The following MYO1B variants were observed in gnomAD, a reference collection of about 807,000 sequenced individuals.
The protein encoded by MYO1B is myosin IB, also known as unconventional myosin-Ib.
Under a neutral mutation model 159.7 loss-of-function variants are expected in MYO1B, and 72 were observed. That is an observed-to-expected ratio of 0.45 (90% confidence interval 0.37 to 0.55). The LOEUF (loss-of-function observed/expected upper bound fraction) is 0.55, where lower values mean the gene tolerates loss of function less well. MYO1B is among the 20% of genes least tolerant of loss of function. MYO1B has a pLI of 0.00. For missense variants in MYO1B, 1,062 were observed against 1,364.8 expected, an observed-to-expected ratio of 0.78 and a Z score of 3.50; for synonymous variants, 468 against 473.8, an observed-to-expected ratio of 0.99 and a Z score of 0.16.
At chr2:191,407,644 A>G (rs371975556) in intron 24 of MYO1B, 4 of 152,388 alleles carry the variant, frequency 2.6e-5, no homozygotes, top group East Asian at 3.9e-4. Context: ...GGTAGTTTCA[A>G]AGCTTCTATT....
intron 3 of MYO1B, among the ~76,000 whole-genome samples, chr2:191,323,259 G>T (rs1403758305): frequency 6.6e-6 from 1 of 152,026 alleles, no homozygotes; most frequent in African/African-American, 2.4e-5. Flanking sequence ...TATCAGCAGG[G>T]TCTTTATGAC....
intron 1 of MYO1B, among the ~76,000 whole-genome samples, chr2:191,266,164 C>T (rs1559126713): frequency 6.6e-6 from 1 of 152,160 alleles, no homozygotes; most frequent in Non-Finnish European, 1.5e-5. Flanking sequence ...AGATCAACTG[C>T]AAATGAGGTA....
intron 2 of MYO1B, among the ~76,000 whole-genome samples, chr2:191,279,190 CATG>C (rs959867827): frequency 1.3e-5 from 2 of 152,162 alleles, no homozygotes; most frequent in Non-Finnish European, 2.9e-5. Context: ...TAATGTTTTT[CATG>C]ATAATTCAGG....
rs574074621 is a variant in MYO1B, at chr2:191,341,656, T to C, written c.451+91T>C. Reference sequence around the variant, plus strand: ...TGAGTACCTGGTCTGCTGGGAGGTATTCTGGGAGGGAAGAGGAAGGAAGAG... The same window carrying C: ...TGAGTACCTGGTCTGCTGGGAGGTACTCTGGGAGGGAAGAGGAAGGAAGAG... On this transcript the variant is annotated intron_variant, in intron 5 of 30. Transcript: ENST00000392318. The C allele has an allele frequency of 2.7e-4, 264 of 970,514 alleles. 1 individual carries two copies. In the African/African-American group the frequency reaches 4.0e-3, roughly 15 times the overall value. The allele number at this position is 970,514 out of a possible 1,614,324, so 60.1% of individuals were successfully genotyped here. A position where few individuals can be genotyped will look rare whatever the true frequency, so the allele number is the denominator to read the frequency against.
At chr2:191,383,942 T>C (rs1695250587) in intron 15 of MYO1B, among the ~76,000 whole-genome samples, 1 of 152,224 alleles carries the variant, frequency 6.6e-6, no homozygotes, top group Admixed American at 6.5e-5. Flanking sequence ...CTGAATTAAG[T>C]GGGACCCCAG....
chr2:191,357,815 T>C (rs960789029), intron 7 of MYO1B, among the ~76,000 whole-genome samples: 1 of 152,230 alleles, frequency 6.6e-6, no homozygotes. Flanking sequence ...ATTATGTTGG[T>C]GCATGCACAT....
chr2:191,277,763 C>G (rs1379111036), intron 2 of MYO1B, among the ~76,000 whole-genome samples: 1 of 152,116 alleles, frequency 6.6e-6, no homozygotes, highest in Non-Finnish European at 1.5e-5. Flanking sequence ...GGCATTGATT[C>G]CCTGTACCTG....
At chr2:191,377,900 G>A (rs1214223368) in intron 13 of MYO1B, 1 of 152,146 alleles carries the variant, frequency 6.6e-6, no homozygotes, top group African/African-American at 2.4e-5. Context: ...CCCATGACAT[G>A]TTTTGGAGAC....
chr2:191,259,876 C>T (rs1686689162), intron 1 of MYO1B, among the ~76,000 whole-genome samples: 1 of 151,924 alleles, frequency 6.6e-6, no homozygotes, highest in African/African-American at 2.4e-5. Context: ...GGCATTCAGG[C>T]AGTGAGGGAG....
At chr2:191,351,306 G>A (rs1050996364) in intron 7 of MYO1B, among the ~76,000 whole-genome samples, 20 of 152,096 alleles carry the variant, frequency 1.3e-4, no homozygotes, top group South Asian at 6.2e-4. Context: ...AGAAGGTACC[G>A]GGGTAAAATG....
At chr2:191,337,168 T>C (rs1691910568) in intron 4 of MYO1B, among the ~76,000 whole-genome samples, 1 of 152,220 alleles carries the variant, frequency 6.6e-6, no homozygotes, top group African/African-American at 2.4e-5. Flanking sequence ...AGGCATGAGA[T>C]TCCCATCCTT....
intron 3 of MYO1B, among the ~76,000 whole-genome samples, chr2:191,307,629 C>T (rs1689729441): frequency 6.6e-6 from 1 of 152,136 alleles, no homozygotes; most frequent in Non-Finnish European, 1.5e-5. Flanking sequence ...ACAGTTAGCA[C>T]AGACCACACA....
Position 191,424,051 on chromosome 2 carries a change from A to C in MYO1B, c.*91A>C, listed in dbSNP as rs1271322547. 3.7e-5 allele frequency: 52 copies of C among 1,423,018 alleles called. No homozygotes were observed. Among genetic ancestry groups the C allele is most frequent in the Non-Finnish European group, 3.8e-6 (4 of 1,051,288 alleles). 88.1% of individuals were successfully genotyped at this position (1,423,018 alleles called of 1,614,324 possible). ...TTTGGGGTTCATTGTATGTTTGGGA[A>C]TCACCAAAGGCTTTTAGAGTTCTTT... On this transcript the variant is annotated 3_prime_UTR_variant, in exon 31 of 31. Coordinates refer to ENST00000392318, the MANE Select transcript of MYO1B (RefSeq NM_001130158.3).
chr2:191,300,738 T>TG (rs1689276898), intron 3 of MYO1B, among the ~76,000 whole-genome samples: 2 of 147,890 alleles, frequency 1.4e-5, no homozygotes, highest in Admixed American at 6.9e-5. Context: ...AGTAGGTAGG[T>TG]GGGACTATAG....
At chr2:191,386,333 TTTA>T (rs1425478780) in intron 16 of MYO1B, among the ~76,000 whole-genome samples, 1 of 152,224 alleles carries the variant, frequency 6.6e-6, no homozygotes, top group African/African-American at 2.4e-5. Context: ...TTGAATCATC[TTTA>T]TTATTTTCAA....
intron 11 of MYO1B, among the ~76,000 whole-genome samples, chr2:191,366,836 C>T (rs371121661): frequency 1.1e-4 from 16 of 151,818 alleles, no homozygotes; most frequent in Admixed American, 7.9e-4. Context: ...TCAAATAGGC[C>T]TCCTGAGACA....
rs549184634 is a variant in MYO1B at position 191,339,885 on chromosome 2, C to T, written c.347-1576C>T. ...GGGCAGTGTGCTCAAAGTGGCATTC[C>T]AATTTTTCACGTATTATTTTCCCAA... On this transcript the variant is annotated intron_variant, in intron 4 of 30. Transcript: ENST00000392318. Among the ~76,000 whole-genome samples, 280 of 152,244 alleles carry T rather than the reference C, an allele frequency of 1.8e-3. 1 individual carries two copies. Among genetic ancestry groups the T allele is most frequent in the Non-Finnish European group, 2.9e-3 (197 of 68,020 alleles).
chr2:191,398,579 C>T (rs1038908321), intron 21 of MYO1B, among the ~76,000 whole-genome samples: 5 of 151,622 alleles, frequency 3.3e-5, no homozygotes, highest in Non-Finnish European at 7.4e-5. Context: ...ACGCTCCTCA[C>T]CTCCCAGACA....
chr2:191,325,021 A>G (rs1231313714), intron 3 of MYO1B, among the ~76,000 whole-genome samples: 2 of 152,158 alleles, frequency 1.3e-5, no homozygotes, highest in Non-Finnish European at 2.9e-5. Flanking sequence ...TCCATGCAAA[A>G]CACACCATAC....
Sources: gnomAD v4.1 joint callset for allele counts (sites outside exome capture counted in the v4.1 genomes callset) on GRCh38, gnomAD v4.1.1 for gene constraint, MANE v1.5 for transcripts, NCBI Gene and HGNC (gene_info 2026-07-23, HGNC 2026-07-21) for gene names.